Variants in LIPA observed in about 807,000 individuals in gnomAD.
The protein encoded by LIPA is lipase A, lysosomal acid type.
In LIPA, 26 loss-of-function variants were observed where a neutral mutation model predicts 40.6. That is an observed-to-expected ratio of 0.64 (90% CI 0.47 to 0.89). The LOEUF (loss-of-function observed/expected upper bound fraction) is 0.89, where lower values mean the gene tolerates loss of function less well. Among genes scored for constraint, LIPA ranks in the 40% least tolerant of loss-of-function variants. The probability of loss-of-function intolerance (pLI) is 0.00; values close to 1 mark genes in which losing one functional copy is unlikely to be tolerated. For missense variants in LIPA, 455 were observed against 479.6 expected, an observed-to-expected ratio of 0.95 and a Z score of 0.48; for synonymous variants, 188 against 168.4, an observed-to-expected ratio of 1.12 and a Z score of -0.90.
At chr10:89,316,002 T>C (rs1208807248) in intron 1 of LIPA, among the ~76,000 whole-genome samples, 2 of 152,208 alleles carry the variant, frequency 1.3e-5, no homozygotes, top group African/African-American at 2.4e-5. Flanking sequence ...ACTACTATTT[T>C]TTTTACAAAA....
chr10:89,216,703 A>T (rs1355917476), intron 8 of LIPA, among the ~76,000 whole-genome samples: 2 of 152,196 alleles, frequency 1.3e-5, no homozygotes, highest in Admixed American at 6.5e-5. Flanking sequence ...GGCTATATGC[A>T]AATACTACAT....
intron 2 of LIPA, chr10:89,383,232 C>G (rs1844176358): frequency 1.7e-6 from 2 of 1,151,238 alleles, no homozygotes; most frequent in Non-Finnish European, 2.5e-6. Flanking sequence ...TAGGATAGAG[C>G]ATATTTGACT....
chr10:89,399,919 G>T (rs1464853486), intron 2 of LIPA, among the ~76,000 whole-genome samples: 2 of 152,164 alleles, frequency 1.3e-5, no homozygotes, highest in East Asian at 3.8e-4. Context: ...CAGCAAGAAG[G>T]AGCCATCTGC....
intron 2 of LIPA, chr10:89,402,444 C>A (rs778122980): frequency 6.2e-7 from 1 of 1,614,148 alleles, no homozygotes; most frequent in South Asian, 1.1e-5. Context: ...AATACACAAC[C>A]TACTAGCCTA....
upstream of LIPA, among the ~76,000 whole-genome samples, chr10:89,345,036 G>A (rs1055920468): frequency 4.6e-5 from 7 of 151,762 alleles, no homozygotes; most frequent in Non-Finnish European, 5.9e-5. Flanking sequence ...GCATAGTGGC[G>A]GGCATCTGTA....
chr10:89,316,180 A>T (rs886730453), intron 1 of LIPA, among the ~76,000 whole-genome samples: 1 of 152,138 alleles, frequency 6.6e-6, no homozygotes, highest in Non-Finnish European at 1.5e-5. Flanking sequence ...TAGTTTCTGC[A>T]TTTCCAACTG....
intron 2 of LIPA, among the ~76,000 whole-genome samples, chr10:89,371,187 G>C (rs1039924353): frequency 1.3e-5 from 2 of 152,214 alleles, no homozygotes; most frequent in Admixed American, 6.5e-5. Flanking sequence ...AGACAGCCTG[G>C]ATAAGTTGGT....
intron 2 of LIPA, among the ~76,000 whole-genome samples, chr10:89,390,068 C>T (rs1330664823): frequency 4.0e-5 from 6 of 148,724 alleles, no homozygotes; most frequent in African/African-American, 1.5e-4. Context: ...CTCACCACAA[C>T]CTCCACCTCC....
intron 3 of LIPA, among the ~76,000 whole-genome samples, chr10:89,235,926 G>A (rs1438524943): frequency 6.6e-6 from 1 of 152,060 alleles, no homozygotes; most frequent in African/African-American, 2.4e-5. Flanking sequence ...TATACAGTTG[G>A]TCCTTAAACA....
At position 89,306,193 on chromosome 10, in the gene LIPA, G is replaced by C. The variant is rs1843477153; in HGVS notation, c.-2+36418C>G. 3 of 1,614,042 alleles carry C rather than the reference G, an allele frequency of 1.9e-6. No homozygotes were observed. Among genetic ancestry groups the C allele is most frequent in the Non-Finnish European group, 2.5e-6 (3 of 1,180,012 alleles). On this transcript the variant is annotated intron_variant, in intron 1 of 5. Transcript: ENST00000282673. ...TGGAATGCTTACGTAAAGCTGAAGA[G>C]TTAATCCAGCAAGAGCATGCTGACC...
chr10:89,224,614 T>A lies in LIPA; in HGVS notation c.675+478A>T, dbSNP rs111960958. Among the ~76,000 whole-genome samples, 533 of 152,356 alleles carry A rather than the reference T, an allele frequency of 3.5e-3. 4 individuals carry two copies. The highest frequency in any genetic ancestry group is 0.012 in the African/African-American group (499 of 41,594). Reference sequence around the variant, plus strand: ...AACAGAGGTTCGGGTGCCACAGCTTTAGGGCAGAGCCCTGATGAAGCTACT... The same window carrying A: ...AACAGAGGTTCGGGTGCCACAGCTTAAGGGCAGAGCCCTGATGAAGCTACT... On this transcript the variant is annotated intron_variant, in intron 6 of 9. Coordinates refer to ENST00000336233, the MANE Select transcript of LIPA (RefSeq NM_000235.4).
chr10:89,219,818 C>T (rs1029814652), intron 8 of LIPA, among the ~76,000 whole-genome samples: 1 of 152,256 alleles, frequency 6.6e-6, no homozygotes, highest in Non-Finnish European at 1.5e-5. Flanking sequence ...AACCATTTTA[C>T]TGACAAAAGA....
In LIPA at chr10:89,330,926, T is replaced by C. The variant is rs111805991; in HGVS notation, c.-2+11685A>G. Reference sequence around the variant, plus strand: ...GTTTCTAAGCTCACATCAGATTCACTGCACCAGAATCTCTGGGAGTAGGAC... The same window carrying C: ...GTTTCTAAGCTCACATCAGATTCACCGCACCAGAATCTCTGGGAGTAGGAC... On this transcript the variant is annotated intron_variant, in intron 1 of 5. Transcript: ENST00000282673. Among the ~76,000 whole-genome samples, 191 of 152,358 alleles carry C rather than the reference T, an allele frequency of 1.3e-3. 1 individual carries two copies. The highest frequency in any genetic ancestry group is 4.1e-3 in the African/African-American group (172 of 41,576).
In LIPA at chr10:89,333,817, G is replaced by A. The variant is rs75866340; in HGVS notation, c.-2+8794C>T. On this transcript the variant is annotated intron_variant, in intron 1 of 5. Transcript: ENST00000282673. ...GTGTGGTCTGAAGCTGAGATCCCCC[G>A]GGAGGTTGTAAGAAAGGTAACATCC... Among the ~76,000 whole-genome samples, 102 of 152,332 alleles carry A rather than the reference G, an allele frequency of 6.7e-4. 1 individual carries two copies. Among genetic ancestry groups the A allele is most frequent in the Admixed American group, 2.4e-3 (36 of 15,302 alleles).
intron 4 of LIPA, among the ~76,000 whole-genome samples, chr10:89,227,373 C>G (rs994115209): frequency 6.6e-6 from 1 of 152,202 alleles, no homozygotes; most frequent in African/African-American, 2.4e-5. Context: ...TTTATCCATT[C>G]ACTGCTGACA....
Position 89,403,169 on chromosome 10 carries a change from A to G in LIPA, c.61+9622T>C, listed in dbSNP as rs1170561280. 3.7e-6 allele frequency: 6 copies of G among 1,613,894 alleles called. No individual in the cohort carries two copies. The East Asian group carries it at 8.9e-5, about 24-fold the overall frequency. On this transcript the variant is annotated intron_variant, in intron 2 of 8. Coordinates refer to the LIPA transcript ENST00000371837. Reference sequence around the variant, plus strand: ...AGATAGGGCTTTGCTACAAGGCACAAATGATCCAAATCAAGGAGGCTACAA... The same window carrying G: ...AGATAGGGCTTTGCTACAAGGCACAGATGATCCAAATCAAGGAGGCTACAA...
At chr10:89,238,716 C>T (rs1842933963) in intron 3 of LIPA, among the ~76,000 whole-genome samples, 1 of 152,082 alleles carries the variant, frequency 6.6e-6, no homozygotes, top group Non-Finnish European at 1.5e-5. Flanking sequence ...ATCCTATTTT[C>T]CTTATGATTT....
intron 1 of LIPA, among the ~76,000 whole-genome samples, chr10:89,414,016 C>T: frequency 6.6e-6 from 1 of 152,186 alleles, no homozygotes; most frequent in East Asian, 1.9e-4. Flanking sequence ...CAATACCACT[C>T]TTGTCTTTAT....
intron 1 of LIPA, among the ~76,000 whole-genome samples, chr10:89,248,049 T>C (rs1843055312): frequency 6.6e-6 from 1 of 151,766 alleles, no homozygotes; most frequent in African/African-American, 2.4e-5. Flanking sequence ...TGTATTTTTG[T>C]AGCGATGGGC....
Sources: gnomAD v4.1 joint callset for allele counts (sites outside exome capture counted in the v4.1 genomes callset) on GRCh38, gnomAD v4.1.1 for gene constraint, MANE v1.5 for transcripts, NCBI Gene and HGNC (gene_info 2026-07-23, HGNC 2026-07-21) for gene names.